CACNA1H: variants seen among roughly 807,000 people sequenced by gnomAD.
CACNA1H encodes calcium voltage-gated channel subunit alpha1 H, also known as voltage-dependent T-type calcium channel subunit alpha-1H.
Under a neutral mutation model 192.5 loss-of-function variants are expected in CACNA1H, and 149 were observed. The observed-to-expected ratio is 0.77, with a 90% CI of 0.68 to 0.89. The LOEUF (loss-of-function observed/expected upper bound fraction) is 0.89, where lower values mean the gene tolerates loss of function less well. Among genes scored for constraint, CACNA1H ranks in the 40% least tolerant of loss-of-function variants. The pLI, the probability that CACNA1H is intolerant of heterozygous loss-of-function variation, is 0.00. For synonymous variants in CACNA1H, 2,202 were observed against 1,475.2 expected, an observed-to-expected ratio of 1.49 and a Z score of -11.29; for missense variants, 4,257 against 3,423.5, an observed-to-expected ratio of 1.24 and a Z score of -6.08.
At chr16:1,214,175 AG>A (rs1969792468) in intron 27 of CACNA1H, among the ~76,000 whole-genome samples, 1 of 152,088 alleles carries the variant, frequency 6.6e-6, no homozygotes, top group African/African-American at 2.4e-5. Flanking sequence ...GCGGGAGGTG[AG>A]TGTCCCACCC....
In CACNA1H at chr16:1,204,260, A is replaced by C. The variant is rs1567520271; in HGVS notation, c.2253A>C (p.Thr751=). 1 of 1,609,734 alleles carries C rather than the reference A, an allele frequency of 6.2e-7. No homozygotes were observed. Among genetic ancestry groups the C allele is most frequent in the East Asian group, 2.2e-5 (1 of 44,750 alleles). ...CGCGACCACCCCGTGCGACGGACAC[A>C]CCAGGCCCAGGCCCAGGCAGCCCCC... ...DPTRPPRATD[T]PGPGPGSPQR... Residue 751 remains threonine (T), a synonymous_variant, in exon 10 of 35, where the codon ACA becomes ACC. Transcript: ENST00000348261.
chr16:1,212,086 G>A lies in CACNA1H; in HGVS notation c.4707G>A (p.Glu1569=), dbSNP rs901412030. 1 of 1,612,182 alleles carries A rather than the reference G, an allele frequency of 6.2e-7. No individual in the cohort carries two copies. The highest frequency in any genetic ancestry group is 1.7e-5 in the Admixed American group (1 of 60,026). The stretch of plus-strand genomic sequence containing the variant: ...GCCGGCAGCACCAGGAGGCGGAGGA[G>A]GCGCGGCGGCGAGAGGAGAAGCGGC... ...HKCRQHQEAE[E]ARRREEKRLR... The change falls in exon 25 of 35, where the codon GAG becomes GAA. Residue 1569 remains glutamate (E), a synonymous_variant. Transcript: ENST00000348261.
rs766121070 is a variant in CACNA1H, at chr16:1,211,598, C to G, written c.4468C>G (p.Leu1490Val). 6.2e-7 allele frequency: 1 copy of G among 1,609,860 alleles called. No homozygotes were observed. The highest frequency in any genetic ancestry group is 2.2e-5 in the East Asian group (1 of 44,746). The part of the protein sequence containing the change: ...WVRRKYNFDN[L>V]GQALMSLFVL... ...GCGACGCAAGTACAACTTCGACAAC[C>G]TGGGCCAGGTGGGCTGGGCGGCCGG... The change falls in exon 23 of 35, where the codon CTG becomes GTG. Residue 1490 changes from leucine to valine, a missense_variant. Coordinates refer to ENST00000348261, the MANE Select transcript of CACNA1H (RefSeq NM_021098.3).
At chr16:1,200,085 C>T (rs559407590) in intron 6 of CACNA1H, among the ~76,000 whole-genome samples, 171 bp from the exon 7 acceptor site, 1 of 152,004 alleles carries the variant, frequency 6.6e-6, no homozygotes, top group Non-Finnish European at 1.5e-5. Flanking sequence ...ACCCTCAGTC[C>T]TATCATGCCC....
intron 11 of CACNA1H, among the ~76,000 whole-genome samples, chr16:1,205,610 C>T (rs1402287282): frequency 6.6e-6 from 1 of 152,232 alleles, no homozygotes; most frequent in African/African-American, 2.4e-5. Context: ...GCTTAAAAGG[C>T]TGAATCCTGC....
At chr16:1,208,541 G>A (rs1322769067) in intron 16 of CACNA1H, among the ~76,000 whole-genome samples, 1 of 152,208 alleles carries the variant, frequency 6.6e-6, no homozygotes, top group African/African-American at 2.4e-5. Context: ...CCAGGCGGGG[G>A]TTCCGCTGCC....
In CACNA1H at chr16:1,218,612, G is replaced by T. The variant is rs1195094996; in HGVS notation, c.5848G>T (p.Glu1950Ter). Residue 1950 changes from glutamate to a stop codon, truncating the protein, a stop_gained, in exon 33 of 35, where the codon GAG (glutamate) becomes TAG (stop). Coordinates refer to ENST00000348261, the MANE Select transcript of CACNA1H (RefSeq NM_021098.3). LOFTEE classifies it high-confidence loss of function. Reference sequence around the variant, plus strand: ...GGCGCCCCACCCCCGCCCGCTGCAGGAGGTGGAGATGGAGACCTATGGGGC... The same window carrying T: ...GGCGCCCCACCCCCGCCCGCTGCAGTAGGTGGAGATGGAGACCTATGGGGC... ...ASAPHPRPLQ[E>*]VEMETYGAGT... is the part of the protein sequence containing the mutation. 6.4e-7 allele frequency: 1 copy of T among 1,564,326 alleles called. No individual in the cohort carries two copies. The highest frequency in any genetic ancestry group is 8.7e-7 in the Non-Finnish European group (1 of 1,154,450).
rs1178477717 is a variant in CACNA1H at position 1,220,946 on chromosome 16, C to T, written c.7014C>T (p.Ser2338=). The T allele has an allele frequency of 1.9e-6, 3 of 1,607,016 alleles. No individual in the cohort carries two copies. In the South Asian group the frequency reaches 3.3e-5, roughly 18 times the overall value. Residue 2338 remains serine, a synonymous_variant, in exon 35 of 35, where the codon TCC becomes TCT. Transcript: ENST00000348261. ...AGTGTCCTCTGGAGAAACCAGGGTC[C>T]CCCTCAGCCACCCCTGCCCCAGGGG... ...VPQCPLEKPG[S]PSATPAPGGG...
intron 2 of CACNA1H, among the ~76,000 whole-genome samples, chr16:1,163,378 T>TC (rs34198133): frequency 6.6e-6 from 1 of 152,156 alleles, no homozygotes; most frequent in East Asian, 1.9e-4. Context: ...CACCTCGTGC[T>TC]CCCGGGAGGG....
Position 1,210,054 on chromosome 16 carries a change from A to C in CACNA1H, c.3764A>C (p.His1255Pro), listed in dbSNP as rs1228162397. 6 of 1,552,748 alleles carry C rather than the reference A, an allele frequency of 3.9e-6. No individual in the cohort carries two copies. The highest frequency in any genetic ancestry group is 5.2e-6 in the Non-Finnish European group (6 of 1,148,686). The change falls in exon 18 of 35, where the codon CAT becomes CCT. Residue 1255 changes from histidine (H) to proline (P), a missense_variant. His to Pro is a moderately conservative substitution (Grantham distance 77). Coordinates refer to ENST00000348261, the MANE Select transcript of CACNA1H (RefSeq NM_021098.3). ...CCACAGAGCTGCTGCCTCCGCCTGC[A>C]TAAAGTGCTGGAGCCCTACAAGCCC... ...DSEDSCCLRL[H>P]KVLEPYKPQW...
Position 1,205,046 on chromosome 16 carries a change from G to A in CACNA1H, c.2452-68G>A, listed in dbSNP as rs546645758. On this transcript the variant is annotated intron_variant, in intron 10 of 34. Coordinates refer to ENST00000348261, the MANE Select transcript of CACNA1H (RefSeq NM_021098.3). ...GTGGGAGCCACGGGTGGGGGCCCCA[G>A]ATCAGTGCCGGTGAGGGGTGGGAGC... 143 of 1,343,682 alleles carry A rather than the reference G, an allele frequency of 1.1e-4. 4 individuals carry two copies. In the South Asian group the frequency reaches 1.7e-3, roughly 16 times the overall value. 83.2% of individuals were successfully genotyped at this position (1,343,682 alleles called of 1,614,324 possible). A position where few individuals can be genotyped will look rare whatever the true frequency, so the allele number is the denominator to read the frequency against.
At position 1,201,944 on chromosome 16, in the gene CACNA1H, G is replaced by A; in HGVS notation, c.1494G>A (p.Gln498=). ...KKVDPSAVQG[Q]GPGHRQRRAG... ...TGGACCCCAGTGCTGTGCAAGGCCAGGGTCCCGGGCACCGCCAGCGCCGGG... is the reference window on the plus strand; with the variant it reads ...TGGACCCCAGTGCTGTGCAAGGCCAAGGTCCCGGGCACCGCCAGCGCCGGG... The change falls in exon 9 of 35, where the codon CAG becomes CAA. Residue 498 remains glutamine (Q), a synonymous_variant. Coordinates refer to ENST00000348261, the MANE Select transcript of CACNA1H (RefSeq NM_021098.3). 1 of 1,548,240 alleles carries A rather than the reference G, an allele frequency of 6.5e-7. No individual in the cohort carries two copies.
At chr16:1,155,720 G>A (rs1962269129) in intron 2 of CACNA1H, among the ~76,000 whole-genome samples, 1 of 152,190 alleles carries the variant, frequency 6.6e-6, no homozygotes, top group Admixed American at 6.5e-5. Context: ...GAGTTTTGGA[G>A]CCTGGCCCCG....
chr16:1,217,616 G>C (rs147399721), intron 31 of CACNA1H, among the ~76,000 whole-genome samples: 2 of 152,186 alleles, frequency 1.3e-5, no homozygotes, highest in Non-Finnish European at 2.9e-5. Flanking sequence ...TTGGTCAGCC[G>C]GCGCCTACTC....
intron 2 of CACNA1H, among the ~76,000 whole-genome samples, chr16:1,170,314 G>A (rs1310306418): frequency 6.6e-6 from 1 of 152,230 alleles, no homozygotes; most frequent in Non-Finnish European, 1.5e-5. Flanking sequence ...GGGAGCTGAG[G>A]TCGCACCATG....
In CACNA1H at chr16:1,220,122, C is replaced by A; in HGVS notation, c.6190C>A (p.Pro2064Thr). 1 of 1,492,236 alleles carries A rather than the reference C, an allele frequency of 6.7e-7. No individual in the cohort carries two copies. The highest frequency in any genetic ancestry group is 8.9e-7 in the Non-Finnish European group (1 of 1,122,860). The allele number at this position is 1,492,236 out of a possible 1,614,324, so 92.4% of individuals were successfully genotyped here. A position where few individuals can be genotyped will look rare whatever the true frequency, so the allele number is the denominator to read the frequency against. ...SLQSPPRSPR[P>T]ASVRTRKHTF... ...GCAGTCCCCACCACGCTCCCCACGGCCCGCCAGCGTCCGCACTCGTAAGCA... is the reference window on the plus strand; with the variant it reads ...GCAGTCCCCACCACGCTCCCCACGGACCGCCAGCGTCCGCACTCGTAAGCA... Residue 2064 changes from proline (P) to threonine (T), a missense_variant, in exon 35 of 35, where the codon CCC becomes ACC. Coordinates refer to ENST00000348261, the MANE Select transcript of CACNA1H (RefSeq NM_021098.3).
intron 2 of CACNA1H, among the ~76,000 whole-genome samples, chr16:1,187,725 G>A (rs969612992): frequency 6.6e-6 from 1 of 152,222 alleles, no homozygotes; most frequent in Non-Finnish European, 1.5e-5. Context: ...GGAGGAGCCA[G>A]GCAGCAGCCG....
At chr16:1,172,744 C>G (rs1964494259) in intron 2 of CACNA1H, among the ~76,000 whole-genome samples, 1 of 152,026 alleles carries the variant, frequency 6.6e-6, no homozygotes, top group African/African-American at 2.4e-5. Context: ...CACCCTTCTC[C>G]CCGGGGCACC....
chr16:1,200,097 C>G (rs919526215), intron 6 of CACNA1H, among the ~76,000 whole-genome samples, 159 bp from the exon 7 acceptor site: 9 of 152,174 alleles, frequency 5.9e-5, no homozygotes, highest in Non-Finnish European at 1.0e-4. Context: ...ATCATGCCCC[C>G]TGACCCTAAC....
Sources: gnomAD v4.1 joint callset for allele counts (sites outside exome capture counted in the v4.1 genomes callset) on GRCh38, gnomAD v4.1.1 for gene constraint, MANE v1.5 for transcripts, NCBI Gene and HGNC (gene_info 2026-07-23, HGNC 2026-07-21) for gene names.